SMARCA2: variants seen among roughly 807,000 people sequenced by gnomAD.
The protein encoded by SMARCA2 is SWI/SNF related BAF chromatin remodeling complex subunit ATPase 2.
Under a neutral mutation model 199.8 loss-of-function variants are expected in SMARCA2, and 61 were observed. The observed-to-expected ratio is 0.31, with a 90% CI of 0.25 to 0.38. The LOEUF is 0.38. Among genes scored for constraint, SMARCA2 ranks in the 10% least tolerant of loss-of-function variants. The pLI, the probability that SMARCA2 is intolerant of heterozygous loss-of-function variation, is 1.00. For synonymous variants in SMARCA2, 935 were observed against 732.0 expected, an observed-to-expected ratio of 1.28 and a Z score of -4.48; for missense variants, 1,344 against 2,012.2, an observed-to-expected ratio of 0.67 and a Z score of 6.35.
At chr9:2,059,112 T>TA (rs1297444813) in intron 8 of SMARCA2, among the ~76,000 whole-genome samples, 1 of 152,246 alleles carries the variant, frequency 6.6e-6, no homozygotes, top group African/African-American at 2.4e-5. Flanking sequence ...TATTTGTTTT[T>TA]ATTGACCATT....
chr9:2,137,766 C>G (rs1439577038), intron 27 of SMARCA2, among the ~76,000 whole-genome samples: 1 of 152,064 alleles, frequency 6.6e-6, no homozygotes, highest in Non-Finnish European at 1.5e-5. Flanking sequence ...GTGGTAAGCA[C>G]TCTTTAAATA....
intron 19 of SMARCA2, 162 bp from the exon 20 acceptor site, chr9:2,096,495 G>C: frequency 1.7e-6 from 1 of 574,454 alleles, no homozygotes; most frequent in Non-Finnish European, 3.1e-6. Context: ...TGATGACTCT[G>C]GTCTCTTCTA....
In SMARCA2 at chr9:2,104,489, A is replaced by G. The variant is rs1378834691; in HGVS notation, c.3292+320A>G. Among the ~76,000 whole-genome samples the G allele has an allele frequency of 2.0e-5, 3 of 152,198 alleles. No individual in the cohort carries two copies. The highest frequency in any genetic ancestry group is 7.2e-5 in the African/African-American group (3 of 41,450). On this transcript the variant is annotated intron_variant, in intron 23 of 33. Transcript: ENST00000349721. The surrounding 1 kb of genome is among the most constrained non-coding windows in gnomAD (Gnocchi z 4.0). ...TCTTAAAATTGTTACCTATGTGCCA[A>G]AGATATAGAATACATTGACACACCT...
At chr9:2,133,806 A>G (rs1824070878) in intron 27 of SMARCA2, among the ~76,000 whole-genome samples, 1 of 152,188 alleles carries the variant, frequency 6.6e-6, no homozygotes. Context: ...GGTTCGGGTG[A>G]GCATCAGAAA....
intron 3 of SMARCA2, among the ~76,000 whole-genome samples, chr9:2,036,889 A>G (rs1819358761): frequency 1.3e-5 from 2 of 152,212 alleles, no homozygotes; most frequent in Admixed American, 1.3e-4. Context: ...ATAGTGTTAT[A>G]CAGTTGAATT....
chr9:2,157,479 A>C (rs77090829), intron 27 of SMARCA2, among the ~76,000 whole-genome samples: 2,953 of 152,264 alleles, frequency 0.019, 80 homozygotes, highest in African/African-American at 0.066. Flanking sequence ...CTAAGGGAGG[A>C]GGATCCCCAG....
chr9:2,179,787 G>A (rs923183116), intron 29 of SMARCA2, among the ~76,000 whole-genome samples: 7 of 152,210 alleles, frequency 4.6e-5, no homozygotes, highest in East Asian at 1.9e-4. Flanking sequence ...CCATGAAGAT[G>A]TGTCATTGAG....
intron 2 of SMARCA2, among the ~76,000 whole-genome samples, chr9:2,032,228 C>G (rs1427700684): frequency 6.6e-6 from 1 of 152,144 alleles, no homozygotes; most frequent in East Asian, 1.9e-4. Flanking sequence ...TTTCCTTTTT[C>G]AAACACATGC....
intron 21 of SMARCA2, among the ~76,000 whole-genome samples, chr9:2,100,563 C>T (rs1822465943): frequency 6.6e-6 from 1 of 152,010 alleles, no homozygotes; most frequent in African/African-American, 2.4e-5. Context: ...ATTAGCCAGG[C>T]ATAGTGGCAC....
intron 19 of SMARCA2, among the ~76,000 whole-genome samples, chr9:2,092,685 A>G (rs1056552074): frequency 6.6e-5 from 10 of 152,226 alleles, no homozygotes; most frequent in Admixed American, 2.0e-4. Flanking sequence ...CCATTTACTA[A>G]CATAAGAATG....
At chr9:2,068,861 T>C (rs1027889406) in intron 9 of SMARCA2, 1 of 152,126 alleles carries the variant, frequency 6.6e-6, no homozygotes, top group Admixed American at 6.5e-5. Flanking sequence ...AATTTTAGAT[T>C]ATTTTGCGTA....
chr9:2,149,188 A>G (rs1461448354), intron 27 of SMARCA2, among the ~76,000 whole-genome samples: 2 of 151,360 alleles, frequency 1.3e-5, no homozygotes, highest in East Asian at 1.9e-4. Context: ...CACTTCTTAC[A>G]TGGTGGCGGC....
intron 27 of SMARCA2, among the ~76,000 whole-genome samples, chr9:2,137,473 G>A (rs1486767697): frequency 6.6e-6 from 1 of 152,030 alleles, no homozygotes; most frequent in Non-Finnish European, 1.5e-5. Flanking sequence ...TCTCCTTCTA[G>A]TCCTTGGCAC....
chr9:2,065,166 C>A (rs925595313), intron 9 of SMARCA2, among the ~76,000 whole-genome samples: 3 of 152,088 alleles, frequency 2.0e-5, no homozygotes, highest in Non-Finnish European at 4.4e-5. Flanking sequence ...GCCTGGGCGA[C>A]AGAGCGAGAC....
rs6475541 is a variant in SMARCA2, at chr9:2,169,179, C to G, written c.4200-1240C>G. On this transcript the variant is annotated intron_variant, in intron 28 of 33. Transcript: ENST00000349721. The surrounding 1 kb of genome is among the most constrained non-coding windows in gnomAD (Gnocchi z 6.5). Reference sequence around the variant, plus strand: ...GACACCCGTTCACCTGCCTCCTCACCCCCTGTCTTCCTGAGGCCCTTGCAC... The same window carrying G: ...GACACCCGTTCACCTGCCTCCTCACGCCCTGTCTTCCTGAGGCCCTTGCAC... Among the ~76,000 whole-genome samples, 4 of 151,958 alleles carry G rather than the reference C, an allele frequency of 2.6e-5. No individual in the cohort carries two copies. Among genetic ancestry groups the G allele is most frequent in the Admixed American group, 1.3e-4 (2 of 15,266 alleles).
At chr9:2,191,153 C>G (rs933393200) in intron 32 of SMARCA2, 113 bp from the exon 33 acceptor site, 9 of 1,027,450 alleles carry the variant, frequency 8.8e-6, no homozygotes, top group Non-Finnish European at 1.3e-5. Context: ...CGGGAATGTT[C>G]TGGGCACTCT....
intron 8 of SMARCA2, among the ~76,000 whole-genome samples, chr9:2,059,437 G>C (rs971708785): frequency 2.0e-5 from 3 of 152,148 alleles, no homozygotes; most frequent in Admixed American, 6.5e-5. Flanking sequence ...CCATACCAGG[G>C]AGAGAGGACT....
Position 2,115,751 on chromosome 9 carries a change from G to GGGGTGGGGTCCGGTTTT in SMARCA2, c.3457-68_3457-52dup, listed in dbSNP as rs1823188367. 2 of 1,210,404 alleles carry GGGGTGGGGTCCGGTTTT rather than the reference G, an allele frequency of 1.7e-6. No individual in the cohort carries two copies. Among genetic ancestry groups the GGGGTGGGGTCCGGTTTT allele is most frequent in the Non-Finnish European group, 2.4e-6 (2 of 832,698 alleles). The allele number at this position is 1,210,404 out of a possible 1,614,324, so 75.0% of individuals were successfully genotyped here. A position where few individuals can be genotyped will look rare whatever the true frequency, so the allele number is the denominator to read the frequency against. On this transcript the variant is annotated intron_variant, in intron 24 of 33. Transcript: ENST00000349721. The surrounding 1 kb of genome is among the most constrained non-coding windows in gnomAD (Gnocchi z 6.0). ...ACAGAACCCTTCCATATTTCCCTCTGGGGTGGGGTCCGGTTTTGGATGCCT... is the reference window on the plus strand; with the variant it reads ...ACAGAACCCTTCCATATTTCCCTCTGGGGTGGGGTCCGGTTTTGGGTGGGGTCCGGTTTTGGATGCCT...
At chr9:2,111,716 A>C (rs994869896) in intron 24 of SMARCA2, among the ~76,000 whole-genome samples, 3 of 152,120 alleles carry the variant, frequency 2.0e-5, no homozygotes, top group African/African-American at 7.2e-5. Flanking sequence ...GCTTTTAAAA[A>C]ATATGCATGC....
Sources: allele counts gnomAD v4.1 joint callset (sites outside exome capture counted in the v4.1 genomes callset), GRCh38; gene constraint gnomAD v4.1.1; non-coding constraint Gnocchi (gnomAD v3.1); transcripts MANE v1.5; gene names NCBI Gene and HGNC (gene_info 2026-07-23, HGNC 2026-07-21).